The following DDX54 variants were observed in gnomAD, a reference collection of about 807,000 sequenced individuals.
DDX54 encodes DEAD-box helicase 54, also known as ATP-dependent RNA helicase DDX54.
Under a neutral mutation model 105.5 loss-of-function variants are expected in DDX54, and 67 were observed. The ratio of observed to expected loss-of-function variants is 0.64; its 90% CI spans 0.52 to 0.78. The LOEUF is 0.78. Among genes scored for constraint, DDX54 ranks in the 30% least tolerant of loss-of-function variants. The pLI is 0.00. For synonymous variants in DDX54, 514 were observed against 509.9 expected (o/e 1.01, Z -0.11); for missense variants, 1,206 against 1,230.5 (o/e 0.98, Z 0.30).
chr12:113,176,518 G>A (rs1208388281), intron 7 of DDX54, among the ~76,000 whole-genome samples: 2 of 152,014 alleles, frequency 1.3e-5, no homozygotes, highest in East Asian at 3.9e-4. Flanking sequence ...AATGAGCCAA[G>A]ATCATACCAT....
Position 113,175,137 on chromosome 12 carries a change from G to A in DDX54, c.773C>T (p.Ala258Val), listed in dbSNP as rs1490621385. The change falls in exon 8 of 20, where the codon GCA (alanine) becomes GTA (valine). Residue 258 changes from alanine to valine, a missense_variant. By Grantham distance (64) the Ala-to-Val change is moderately conservative. Around this residue, in one of 3 missense-constraint regions of DDX54, gnomAD observed 961 missense variants for 1,019.1 expected, o/e 0.94. Transcript: ENST00000306014. ...EADRLFEMGF[A>V]EQLQEIIARL... The stretch of plus-strand genomic sequence containing the variant: ...GGCGATGATCTCCTGCAGCTGCTCT[G>A]CGAAACCCATTTCAAAAAGCCTGGA... The A allele has an allele frequency of 6.2e-7, 1 of 1,611,862 alleles. No homozygotes were observed. Among genetic ancestry groups the A allele is most frequent in the Non-Finnish European group, 8.5e-7 (1 of 1,179,396 alleles).
In DDX54 at chr12:113,163,289, A is replaced by C. The variant is rs1483021365; in HGVS notation, c.1939-15T>G. On this transcript the variant is annotated splice_polypyrimidine_tract_variant and intron_variant, in intron 15 of 19. Transcript: ENST00000306014. The surrounding 1 kb of genome is among the most constrained non-coding windows in gnomAD (Gnocchi z 5.9). ...GAGAAAATGTCCTGGCAGAGCACAG[A>C]CCAAGGCCCAGTGTCATGCCTGCTG... The C allele has an allele frequency of 6.2e-6, 10 of 1,605,364 alleles. No individual in the cohort carries two copies. The highest frequency in any genetic ancestry group is 2.5e-6 in the Non-Finnish European group (3 of 1,179,044).
intron 5 of DDX54, among the ~76,000 whole-genome samples, chr12:113,177,777 T>C (rs901651560): frequency 1.3e-5 from 2 of 152,180 alleles, no homozygotes; most frequent in South Asian, 2.1e-4. Flanking sequence ...AGCTCTACTA[T>C]GGAATCATTG....
Position 113,175,054 on chromosome 12 carries a change from CCAG to C in DDX54, c.853_855del (p.Leu285del). ...CACGCACCAGCCCGGGCAAATTCCACCAGCAGTTTGGGCAGCGTGGCGGAGAAC... is the reference window on the plus strand; with the variant it reads ...CACGCACCAGCCCGGGCAAATTCCACCAGTTTGGGCAGCGTGGCGGAGAAC... On this transcript the variant is annotated inframe_deletion, in exon 8 of 20. Transcript: ENST00000306014. 6.2e-7 allele frequency: 1 copy of C among 1,613,962 alleles called. No homozygotes were observed. Among genetic ancestry groups the C allele is most frequent in the Non-Finnish European group, 8.5e-7 (1 of 1,180,000 alleles).
Position 113,175,115 on chromosome 12 carries a change from G to C in DDX54, c.795C>G (p.Ile265Met). The C allele has an allele frequency of 6.2e-7, 1 of 1,613,562 alleles. No homozygotes were observed. The highest frequency in any genetic ancestry group is 8.5e-7 in the Non-Finnish European group (1 of 1,179,952). Residue 265 changes from isoleucine to methionine, a missense_variant, in exon 8 of 20, where the codon ATC (isoleucine) becomes ATG (methionine). Physicochemically the swap from Ile to Met is conservative, Grantham distance 10. Transcript: ENST00000306014. ...MGFAEQLQEI[I>M]ARLPGGHQTV... ...TCTGGTGGCCCCCGGGGAGGCGGGCGATGATCTCCTGCAGCTGCTCTGCGA... is the reference window on the plus strand; with the variant it reads ...TCTGGTGGCCCCCGGGGAGGCGGGCCATGATCTCCTGCAGCTGCTCTGCGA...
intron 18 of DDX54, chr12:113,161,616 G>T (rs1289466705): frequency 1.9e-6 from 1 of 520,370 alleles, no homozygotes; most frequent in Non-Finnish European, 3.4e-6. Flanking sequence ...TGCTGGGCCC[G>T]CCCCCAGCAC....
intron 7 of DDX54, among the ~76,000 whole-genome samples, chr12:113,175,631 A>G (rs1952393405): frequency 6.6e-6 from 1 of 152,148 alleles, no homozygotes; most frequent in African/African-American, 2.4e-5. Flanking sequence ...TATTAAAAAT[A>G]CAAAAAAATT....
chr12:113,176,841 G>A lies in DDX54; in HGVS notation c.751C>T (p.Arg251Trp), dbSNP rs539428532. 49 of 1,614,074 alleles carry A rather than the reference G, an allele frequency of 3.0e-5. No homozygotes were observed. Among genetic ancestry groups the A allele is most frequent in the East Asian group, 2.2e-4 (10 of 44,880 alleles). The change falls in exon 7 of 20, where the codon CGG becomes TGG. Residue 251 changes from arginine to tryptophan, a missense_variant and splice_region_variant. Arg to Trp is a moderately radical substitution (Grantham distance 101). Coordinates refer to ENST00000306014, the MANE Select transcript of DDX54 (RefSeq NM_024072.4). Reference protein sequence around the residue: ...VEYVVFDEADRLFEMGFAEQL... With the variant: ...VEYVVFDEADWLFEMGFAEQL... ...TCAGGGCTGGACCTGCAGCCTTACC[G>A]GTCAGCTTCATCGAACACCACGTAT... is the stretch of plus-strand genomic sequence containing the variant.
intron 10 of DDX54, 117 bp from the exon 11 acceptor site, chr12:113,172,680 G>A: frequency 7.8e-7 from 1 of 1,281,664 alleles, no homozygotes; most frequent in Non-Finnish European, 1.1e-6. Flanking sequence ...ACGGGTTCTG[G>A]AGTCTGGCAC....
At chr12:113,162,050 C>T in intron 17 of DDX54, 53 bp from the exon 18 acceptor site, 1 of 1,572,760 alleles carries the variant, frequency 6.4e-7, no homozygotes, top group Non-Finnish European at 8.7e-7. Flanking sequence ...CTTGGAGTGC[C>T]GGCTGCCGCT....
intron 17 of DDX54, 60 bp from the exon 18 acceptor site, chr12:113,162,057 C>T: frequency 2.6e-6 from 4 of 1,523,490 alleles, no homozygotes; most frequent in South Asian, 2.2e-5. Flanking sequence ...TGCCGGCTGC[C>T]GCTTGGGGCC....
At chr12:113,179,058 G>A in intron 4 of DDX54, 32 bp from the exon 5 acceptor site, 1 of 1,613,864 alleles carries the variant, frequency 6.2e-7, no homozygotes, top group South Asian at 1.1e-5. Context: ...GAGAGGGCAG[G>A]GGTGAGATGA....
At chr12:113,183,155 G>A (rs888668277) in intron 1 of DDX54, among the ~76,000 whole-genome samples, 3 of 152,170 alleles carry the variant, frequency 2.0e-5, no homozygotes, top group Non-Finnish European at 2.9e-5. Context: ...CCACGGCACC[G>A]GGCCAACAAC....
At chr12:113,170,146 A>C (rs1323260590) in intron 11 of DDX54, among the ~76,000 whole-genome samples, 13 of 152,248 alleles carry the variant, frequency 8.5e-5, no homozygotes, top group Non-Finnish European at 4.4e-5. Flanking sequence ...GCTCATGAGC[A>C]TGATCAAAAC....
In DDX54 at chr12:113,162,881, C is replaced by T. The variant is rs776875835; in HGVS notation, c.2195+51G>A. ...TCACCCCAGGCACGGAGGAGCAGCTCACTCGGTCACTCACCCCGAGCATGG... is the reference window on the plus strand; with the variant it reads ...TCACCCCAGGCACGGAGGAGCAGCTTACTCGGTCACTCACCCCGAGCATGG... On this transcript the variant is annotated intron_variant, in intron 17 of 19. Coordinates refer to ENST00000306014, the MANE Select transcript of DDX54 (RefSeq NM_024072.4). The T allele has an allele frequency of 6.2e-5, 93 of 1,506,356 alleles. No homozygotes were observed. The East Asian group carries it at 2.0e-3, about 32-fold the overall frequency. The allele number at this position is 1,506,356 out of a possible 1,614,324, so 93.3% of individuals were successfully genotyped here.
Position 113,180,937 on chromosome 12 carries a change from T to A in DDX54, c.296A>T (p.Gln99Leu), listed in dbSNP as rs745654861. 1.9e-5 allele frequency: 30 copies of A among 1,613,556 alleles called. No homozygotes were observed. Among genetic ancestry groups the A allele is most frequent in the Non-Finnish European group, 2.5e-5 (29 of 1,179,788 alleles). The change falls in exon 2 of 20, where the codon CAG (glutamine) becomes CTG (leucine). Residue 99 changes from glutamine (Q) to leucine (L), a missense_variant. Around this residue, in one of 3 missense-constraint regions of DDX54, gnomAD observed 212 missense variants for 155.4 expected, o/e 1.36. Transcript: ENST00000306014. ...TGCCAAGTTGCACCCACCCATGGACTGGAAGCCTCCAGACTTCTTCTTCTT... is the reference window on the plus strand; with the variant it reads ...TGCCAAGTTGCACCCACCCATGGACAGGAAGCCTCCAGACTTCTTCTTCTT... ...NKKKKKSGGF[Q>L]SMGLSYPVFK...
chr12:113,162,687 A>C, intron 17 of DDX54: 1 of 396,890 alleles, frequency 2.5e-6, no homozygotes. Context: ...GAATGGAGGT[A>C]GGGGAGGCTC....
chr12:113,164,225 G>C lies in DDX54; in HGVS notation c.1780C>G (p.Arg594Gly). ...GCGATGGCCTTGCGGTCCTTCTGCC[G>C]CTTGGCGCGCATCACCTGGCTGCAC... Reference protein sequence around the residue: ...DLCSQVMRAKRQKDRKAIARF... With the variant: ...DLCSQVMRAKGQKDRKAIARF... Residue 594 changes from arginine to glycine, a missense_variant, in exon 15 of 20, where the codon CGG (arginine) becomes GGG (glycine). Physicochemically the swap from Arg to Gly is moderately radical, Grantham distance 125. Transcript: ENST00000306014. 1 of 1,591,010 alleles carries C rather than the reference G, an allele frequency of 6.3e-7. No individual in the cohort carries two copies. The highest frequency in any genetic ancestry group is 8.5e-7 in the Non-Finnish European group (1 of 1,169,818).
At chr12:113,176,999 C>A (rs1421071807) in intron 6 of DDX54, 53 bp downstream of exon 6, 2 of 1,613,204 alleles carry the variant, frequency 1.2e-6, no homozygotes, top group Non-Finnish European at 1.7e-6. Context: ...TTCTCTTACA[C>A]CCCCACCACT....
Sources: gnomAD v4.1 joint callset for allele counts (sites outside exome capture counted in the v4.1 genomes callset) on GRCh38, gnomAD v4.1.1 for gene constraint, gnomAD v4.1.1 regional missense constraint, Gnocchi (gnomAD v3.1) non-coding constraint, MANE v1.5 for transcripts, NCBI Gene and HGNC (gene_info 2026-07-23, HGNC 2026-07-21) for gene names.